Variants in DDX60L observed in about 807,000 individuals in gnomAD.
DDX60L encodes DExD/H-box 60 like.
In DDX60L, 191 loss-of-function variants were observed where a neutral mutation model predicts 211.6. That is an observed-to-expected ratio of 0.90 (90% CI 0.80 to 1.02). The LOEUF (loss-of-function observed/expected upper bound fraction) is 1.02. Among genes scored for constraint, DDX60L ranks in the 50% least tolerant of loss-of-function variants. The probability of loss-of-function intolerance (pLI) is 0.00; values close to 1 mark genes in which losing one functional copy is unlikely to be tolerated. For missense variants in DDX60L, 2,007 were observed against 1,984.1 expected, an observed-to-expected ratio of 1.01 and a Z score of -0.22; for synonymous variants, 706 against 694.1, an observed-to-expected ratio of 1.02 and a Z score of -0.27.
intron 8 of DDX60L, among the ~76,000 whole-genome samples, chr4:168,449,132 G>T (rs957939962): frequency 6.6e-6 from 1 of 152,086 alleles, no homozygotes; most frequent in African/African-American, 2.4e-5. Context: ...TTGCAAACTG[G>T]TTCCATTCCT....
At chr4:168,422,485 T>C in intron 16 of DDX60L, 39 bp downstream of exon 16, 1 of 1,572,650 alleles carries the variant, frequency 6.4e-7, no homozygotes, top group South Asian at 1.2e-5. Context: ...AGTTCTGAAG[T>C]CACACTGATT....
intron 27 of DDX60L, 130 bp from the exon 28 acceptor site, chr4:168,394,747 C>G: frequency 1.3e-6 from 1 of 756,340 alleles, no homozygotes; most frequent in Non-Finnish European, 2.1e-6. Flanking sequence ...CCCTTTGACC[C>G]TGAACCTACA....
intron 13 of DDX60L, among the ~76,000 whole-genome samples, chr4:168,428,417 C>T (rs17540470): frequency 0.13 from 20,451 of 152,058 alleles, 1,896 homozygotes; most frequent in Non-Finnish European, 0.19. Flanking sequence ...AATGAATTGA[C>T]GGTCTGGCAA....
At chr4:168,449,682 T>TAAAAAAAAAAAAAAAAA (rs1755510939) in intron 8 of DDX60L, among the ~76,000 whole-genome samples, 1 of 78,420 alleles carries the variant, frequency 1.3e-5, no homozygotes, top group African/African-American at 5.1e-5. Flanking sequence ...AGAAAAAAAT[T>TAAAAAAAAAAAAAAAAA]ACTAAATGAT....
intron 7 of DDX60L, among the ~76,000 whole-genome samples, chr4:168,454,075 G>C (rs142098868): frequency 6.6e-6 from 1 of 152,010 alleles, no homozygotes; most frequent in South Asian, 2.1e-4. Context: ...CCCTATGATG[G>C]GTGCTATTCA....
chr4:168,462,142 T>C (rs936930767), intron 4 of DDX60L, 102 bp from the exon 5 acceptor site: 5 of 852,450 alleles, frequency 5.9e-6, no homozygotes, highest in Non-Finnish European at 8.9e-6. Flanking sequence ...ACTGAACTCA[T>C]GTGATCTAAT....
intron 1 of DDX60L, among the ~76,000 whole-genome samples, chr4:168,476,441 C>T (rs1759499344): frequency 1.3e-5 from 2 of 151,952 alleles, no homozygotes; most frequent in Admixed American, 1.3e-4. Flanking sequence ...GAATATGATG[C>T]CATCTATGTG....
rs780000986 is a variant in DDX60L, at chr4:168,384,795, T to C, written c.3933A>G (p.Gly1311=). Residue 1311 remains glycine (G), a synonymous_variant, in exon 30 of 38, where the codon GGA becomes GGG. Transcript: ENST00000682922. The part of the protein sequence containing the change: ...LNYRQMSGRA[G]RRGQDLLGNV... The stretch of plus-strand genomic sequence containing the variant: ...TTCCAAGCAGGTCTTGACCTCTTCT[T>C]CCAGCACGACCAGACATCTGGAAGC... The C allele has an allele frequency of 3.1e-6, 5 of 1,612,974 alleles. No individual in the cohort carries two copies. The Admixed American group carries it at 8.4e-5, about 27-fold the overall frequency.
intron 14 of DDX60L, 21 bp from the exon 15 acceptor site, chr4:168,423,795 A>C: frequency 6.7e-7 from 1 of 1,502,648 alleles, no homozygotes; most frequent in Non-Finnish European, 9.0e-7. Context: ...AAACAATAAA[A>C]TTGTTATAAA....
chr4:168,378,338 G>A lies in DDX60L; in HGVS notation c.4485+16C>T, dbSNP rs1010697746. On this transcript the variant is annotated intron_variant, in intron 33 of 37. Coordinates refer to ENST00000682922, the MANE Select transcript of DDX60L (RefSeq NM_001012967.3). Reference sequence around the variant, plus strand: ...AACTATCATTATTATATCATTGTAAGTATAACAAACTTTACCTTTGACTGA... The same window carrying A: ...AACTATCATTATTATATCATTGTAAATATAACAAACTTTACCTTTGACTGA... The A allele has an allele frequency of 7.6e-7, 1 of 1,309,408 alleles. No homozygotes were observed. The highest frequency in any genetic ancestry group is 2.5e-5 in the East Asian group (1 of 39,492). 81.1% of individuals were successfully genotyped at this position (1,309,408 alleles called of 1,614,324 possible). A position where few individuals can be genotyped will look rare whatever the true frequency, so the allele number is the denominator to read the frequency against.
At chr4:168,390,614 C>T (rs1579322800) in intron 29 of DDX60L, 14 of 754,252 alleles carry the variant, frequency 1.9e-5, no homozygotes, top group South Asian at 7.7e-5. Context: ...TTTTATATTT[C>T]GAGACTAGGC....
intron 18 of DDX60L, among the ~76,000 whole-genome samples, chr4:168,419,854 T>C (rs927145087): frequency 3.3e-5 from 5 of 152,230 alleles, no homozygotes; most frequent in Non-Finnish European, 7.3e-5. Flanking sequence ...TTCTAAGTTA[T>C]ACTGAAATAT....
chr4:168,381,890 T>C (rs1743026128), intron 30 of DDX60L, among the ~76,000 whole-genome samples: 1 of 152,072 alleles, frequency 6.6e-6, no homozygotes, highest in African/African-American at 2.4e-5. Flanking sequence ...CGTTATTATA[T>C]GAAAAACAAT....
rs1284032483 is a variant in DDX60L at position 168,367,113 on chromosome 4, T to C, written c.4928+4499A>G. 3.9e-5 allele frequency among the ~76,000 whole-genome samples: 6 copies of C among 152,182 alleles called. 1 individual carries two copies. The highest frequency in any genetic ancestry group is 3.9e-4 in the Admixed American group (6 of 15,270). ...ATGCACAAGAATGAGACTAGACTCCTACTTCTCACCATATACAAAAATCTA... is the reference window on the plus strand; with the variant it reads ...ATGCACAAGAATGAGACTAGACTCCCACTTCTCACCATATACAAAAATCTA... On this transcript the variant is annotated intron_variant, in intron 36 of 37. Coordinates refer to ENST00000682922, the MANE Select transcript of DDX60L (RefSeq NM_001012967.3).
In DDX60L at chr4:168,434,481, T is replaced by C. The variant is rs150975586; in HGVS notation, c.1295-1366A>G. ...ACCCCAGAATTCTGGAATAGCTCCA[T>C]AGTTACGCTATTGTGTAAGTCAGAA... On this transcript the variant is annotated intron_variant, in intron 10 of 37. Coordinates refer to ENST00000682922, the MANE Select transcript of DDX60L (RefSeq NM_001012967.3). Among the ~76,000 whole-genome samples, 62 of 152,332 alleles carry C rather than the reference T, an allele frequency of 4.1e-4. No homozygotes were observed. The East Asian group carries it at 0.011, about 27-fold the overall frequency.
intron 10 of DDX60L, among the ~76,000 whole-genome samples, chr4:168,439,967 T>A (rs1384584553): frequency 4.6e-5 from 7 of 152,220 alleles, no homozygotes; most frequent in Non-Finnish European, 7.3e-5. Flanking sequence ...CACAAGAGGA[T>A]ATTCAAATGG....
At chr4:168,373,283 G>C (rs1741346060) in intron 35 of DDX60L, among the ~76,000 whole-genome samples, 1 of 151,990 alleles carries the variant, frequency 6.6e-6, no homozygotes, top group Non-Finnish European at 1.5e-5. Flanking sequence ...CTAATGCTTT[G>C]TGGCCCCCTT....
intron 9 of DDX60L, 55 bp from the exon 10 acceptor site, chr4:168,441,547 C>T: frequency 7.3e-7 from 1 of 1,376,554 alleles, no homozygotes; most frequent in South Asian, 1.4e-5. Context: ...TGCAGACACA[C>T]ACAGAGCATC....
intron 2 of DDX60L, 79 bp from the exon 3 acceptor site, chr4:168,472,603 A>T (rs1394691407): frequency 2.5e-6 from 4 of 1,576,944 alleles, no homozygotes; most frequent in Admixed American, 3.4e-5. Flanking sequence ...GAAATGAAAT[A>T]TAGACATCCA....
Sources: gnomAD v4.1 joint callset for allele counts (sites outside exome capture counted in the v4.1 genomes callset) on GRCh38, gnomAD v4.1.1 for gene constraint, MANE v1.5 for transcripts, NCBI Gene and HGNC (gene_info 2026-07-23, HGNC 2026-07-21) for gene names.